The following TSHZ3 variants were observed in gnomAD, a reference collection of about 807,000 sequenced individuals.
TSHZ3 encodes teashirt homolog 3.
A neutral mutation model predicts 64.5 loss-of-function variants in TSHZ3; 10 were observed. The observed-to-expected ratio is 0.16, with a 90% CI of 0.10 to 0.26. The LOEUF (loss-of-function observed/expected upper bound fraction) is 0.26, where lower values mean the gene tolerates loss of function less well. TSHZ3 is among the 10% of genes least tolerant of loss of function. The pLI, the probability that TSHZ3 is intolerant of heterozygous loss-of-function variation, is 1.00. For missense variants in TSHZ3, 1,242 were observed against 1,421.7 expected (o/e 0.87, Z 2.03); for synonymous variants, 608 against 593.1 (o/e 1.03, Z -0.36).
At chr19:31,338,571 T>C (rs1917322254) in intron 1 of TSHZ3, among the ~76,000 whole-genome samples, 1 of 143,006 alleles carries the variant, frequency 7.0e-6, no homozygotes, top group African/African-American at 2.5e-5. Context: ...TTGGTTTTTC[T>C]TTTTTTTTTC....
Position 31,216,264 on chromosome 19 carries a change from C to T in TSHZ3, n.687-11186G>A, listed in dbSNP as rs553413552. ...AGGCCTTTTTGGGGGGGCTCCCAGC[C>T]CCCACCATGTCTCAAGCTGAGCACA... On this transcript the variant is annotated intron_variant and non_coding_transcript_variant, in intron 4 of 6. Coordinates refer to the TSHZ3 transcript ENST00000651361. Among the ~76,000 whole-genome samples, 3 of 152,214 alleles carry T rather than the reference C, an allele frequency of 2.0e-5. No individual in the cohort carries two copies. In the South Asian group the frequency reaches 6.2e-4, roughly 32 times the overall value.
chr19:31,298,670 C>T (rs1054029003), intron 1 of TSHZ3, among the ~76,000 whole-genome samples: 2 of 152,054 alleles, frequency 1.3e-5, no homozygotes, highest in Admixed American at 1.3e-4. Flanking sequence ...AGCTATAAAC[C>T]AGCCCGAGAA....
downstream of TSHZ3, among the ~76,000 whole-genome samples, chr19:31,271,756 C>A (rs16965368): frequency 5.1e-4 from 78 of 152,308 alleles, no homozygotes; most frequent in East Asian, 0.011. Context: ...AAAGATTACA[C>A]GTGCTCACTA....
At chr19:31,211,496 G>A (rs892688705) in intron 4 of TSHZ3, among the ~76,000 whole-genome samples, 4 of 152,176 alleles carry the variant, frequency 2.6e-5, no homozygotes, top group Non-Finnish European at 5.9e-5. Context: ...CTGGACCCGG[G>A]GAAGAAGGCA....
chr19:31,185,595 T>C (rs189174634), intron 5 of TSHZ3, among the ~76,000 whole-genome samples: 1 of 152,334 alleles, frequency 6.6e-6, no homozygotes, highest in Non-Finnish European at 1.5e-5. Flanking sequence ...ATTGTGTGTC[T>C]ATTTGTTACA....
chr19:31,155,959 C>T (rs899665011), intron 6 of TSHZ3, among the ~76,000 whole-genome samples: 1 of 152,168 alleles, frequency 6.6e-6, no homozygotes. Flanking sequence ...AGAATATACC[C>T]TGAATAATGA....
At chr19:31,174,269 G>A (rs1974578180) in intron 5 of TSHZ3, among the ~76,000 whole-genome samples, 1 of 152,140 alleles carries the variant, frequency 6.6e-6, no homozygotes, top group Non-Finnish European at 1.5e-5. Context: ...CCCAAGAAGA[G>A]CAGATGTTTG....
rs780470692 is a variant in TSHZ3 at position 31,277,584 on chromosome 19, C to A, written c.2209G>T (p.Ala737Ser). ...SVMNIHLGKA[A>S]KPSLPALDPM... is the part of the protein sequence containing the mutation. The stretch of plus-strand genomic sequence containing the variant: ...TCCAGGGCAGGCAGGGAGGGCTTGG[C>A]GGCCTTGCCCAGGTGAATGTTCATG... The change falls in exon 2 of 2, where the codon GCC (alanine) becomes TCC (serine). Residue 737 changes from alanine to serine, a missense_variant. Physicochemically the swap from Ala to Ser is moderately conservative, Grantham distance 99. Coordinates refer to ENST00000240587, the MANE Select transcript of TSHZ3 (RefSeq NM_020856.4). The surrounding 1 kb of genome is among the most constrained non-coding windows in gnomAD (Gnocchi z 4.5). 3 of 1,594,272 alleles carry A rather than the reference C, an allele frequency of 1.9e-6. No individual in the cohort carries two copies. The highest frequency in any genetic ancestry group is 2.7e-5 in the African/African-American group (2 of 74,364).
In TSHZ3 at chr19:31,349,165, G is replaced by A. The variant is rs1387505495; in HGVS notation, c.40+15C>T. 3 of 1,541,326 alleles carry A rather than the reference G, an allele frequency of 1.9e-6. No individual in the cohort carries two copies. The highest frequency in any genetic ancestry group is 4.0e-5 in the Admixed American group (2 of 50,490). ...GAGGAGGAGGAGAGCAGAAGGAAGG[G>A]GAAGCGGCTCGTACCTGCTGCGCGC... On this transcript the variant is annotated intron_variant, in intron 1 of 1. Transcript: ENST00000240587.
At chr19:31,204,869 G>A (rs1308369324) in intron 5 of TSHZ3, 1 of 152,436 alleles carries the variant, frequency 6.6e-6, no homozygotes, top group Non-Finnish European at 1.5e-5. Context: ...CCCTTCCCTT[G>A]GTCCTCCCTT....
rs535589012 is a variant in TSHZ3 at position 31,336,504 on chromosome 19, G to C, written c.40+12676C>G. On this transcript the variant is annotated intron_variant, in intron 1 of 1. Transcript: ENST00000240587. ...CCAGAGGAGATGCATAGCTTACTCT[G>C]AGCATCTTGACGGTGGACCTCATGG... 2.0e-5 allele frequency among the ~76,000 whole-genome samples: 3 copies of C among 152,316 alleles called. 1 individual carries two copies. Among genetic ancestry groups the C allele is most frequent in the Admixed American group, 6.5e-5 (1 of 15,308 alleles).
At chr19:31,273,703 C>T (rs141793547), downstream of TSHZ3, among the ~76,000 whole-genome samples, 10 of 152,306 alleles carry the variant, frequency 6.6e-5, no homozygotes, top group East Asian at 1.9e-3. Context: ...TCCCCTGAGA[C>T]GCATTCTGTG....
rs1282222775 is a variant in TSHZ3 at position 31,349,324 on chromosome 19, C to G, written c.-105G>C. 4.3e-6 allele frequency: 5 copies of G among 1,150,890 alleles called. No homozygotes were observed. Among genetic ancestry groups the G allele is most frequent in the Admixed American group, 7.2e-5 (2 of 27,692 alleles). The allele number at this position is 1,150,890 out of a possible 1,614,324, so 71.3% of individuals were successfully genotyped here. Reference sequence around the variant, plus strand: ...CGCGGGGGGGCGAGGCGGGCCTGCTCTCAGCCTCCCCCCCGGAGAGCGGCC... The same window carrying G: ...CGCGGGGGGGCGAGGCGGGCCTGCTGTCAGCCTCCCCCCCGGAGAGCGGCC... On this transcript the variant is annotated 5_prime_UTR_variant, in exon 1 of 2. Transcript: ENST00000240587.
chr19:31,243,975 C>T (rs1182872953), intron 1 of TSHZ3, among the ~76,000 whole-genome samples: 1 of 152,100 alleles, frequency 6.6e-6, no homozygotes, highest in African/African-American at 2.4e-5. Context: ...GTATTAAGAA[C>T]CTAAAACATG....
chr19:31,161,575 C>T (rs1456191502), intron 5 of TSHZ3, among the ~76,000 whole-genome samples: 3 of 152,182 alleles, frequency 2.0e-5, no homozygotes, highest in African/African-American at 7.2e-5. Flanking sequence ...AACATTTCCT[C>T]CATAAGAGAT....
At chr19:31,268,819 T>A (rs540732732) in intron 1 of TSHZ3, among the ~76,000 whole-genome samples, 7 of 152,186 alleles carry the variant, frequency 4.6e-5, no homozygotes, top group Non-Finnish European at 8.8e-5. Flanking sequence ...AGATGAGCTC[T>A]GAGTCTCACC....
At chr19:31,231,269 T>C (rs759437796) in intron 3 of TSHZ3, among the ~76,000 whole-genome samples, 7 of 152,010 alleles carry the variant, frequency 4.6e-5, no homozygotes, top group Non-Finnish European at 1.5e-5. Context: ...GGCACGATGA[T>C]GTGATTCTCC....
At chr19:31,214,259 TA>T (rs1475116408) in intron 4 of TSHZ3, among the ~76,000 whole-genome samples, 1 of 152,142 alleles carries the variant, frequency 6.6e-6, no homozygotes, top group Non-Finnish European at 1.5e-5. Context: ...AGCCGCAGGG[TA>T]ACCAGAGGCT....
chr19:31,237,135 G>A (rs985018028), intron 3 of TSHZ3, among the ~76,000 whole-genome samples: 43 of 152,126 alleles, frequency 2.8e-4, no homozygotes, highest in Non-Finnish European at 4.6e-4. Flanking sequence ...GAGACAGAGC[G>A]AAACTCCGTC....
Sources: allele counts gnomAD v4.1 joint callset (sites outside exome capture counted in the v4.1 genomes callset), GRCh38; gene constraint gnomAD v4.1.1; non-coding constraint Gnocchi (gnomAD v3.1); transcripts MANE v1.5; gene names NCBI Gene and HGNC (gene_info 2026-07-23, HGNC 2026-07-21).